Variants in TENM3 observed in about 807,000 individuals in gnomAD.
TENM3 encodes the protein teneurin-3.
In TENM3, 63 loss-of-function variants were observed where a neutral mutation model predicts 255.1. The ratio of observed to expected loss-of-function variants is 0.25; its 90% confidence interval spans 0.20 to 0.30. TENM3 has a LOEUF of 0.30. TENM3 is among the 10% of genes least tolerant of loss of function. TENM3 has a pLI of 1.00. For synonymous variants in TENM3, 1,306 were observed against 1,322.3 expected (o/e 0.99, Z 0.27); for missense variants, 2,929 against 3,461.1 (o/e 0.85, Z 3.86).
chr4:182,720,620 C>CTTT (rs1357278701), intron 13 of TENM3, among the ~76,000 whole-genome samples: 1 of 152,156 alleles, frequency 6.6e-6, no homozygotes, highest in Non-Finnish European at 1.5e-5. Flanking sequence ...GGGGGAAGAA[C>CTTT]ATCCAGCTTG....
At chr4:181,470,909 T>G in the TENM3 span, among the ~76,000 whole-genome samples, 1 of 152,222 alleles carries the variant, frequency 6.6e-6, no homozygotes, top group Non-Finnish European at 1.5e-5. Flanking sequence ...ATAACTAATT[T>G]ATTTGTCCCA....
the TENM3 span, among the ~76,000 whole-genome samples, chr4:181,644,755 T>C: frequency 6.6e-6 from 1 of 152,024 alleles, no homozygotes; most frequent in Non-Finnish European, 1.5e-5. Context: ...TAAAGGTGAG[T>C]TCAGGAACTG....
At chr4:181,565,803 A>G in the TENM3 span, among the ~76,000 whole-genome samples, 1 of 152,258 alleles carries the variant, frequency 6.6e-6, no homozygotes, top group Non-Finnish European at 1.5e-5. Flanking sequence ...ACAAAAATCC[A>G]TGATGTTAGT....
chr4:182,417,029 G>A (rs537936773), intron 3 of TENM3, among the ~76,000 whole-genome samples: 12 of 152,052 alleles, frequency 7.9e-5, no homozygotes, highest in East Asian at 5.8e-4. Flanking sequence ...GCTGGAGTGC[G>A]GTGGTGCGAT....
the TENM3 span, among the ~76,000 whole-genome samples, chr4:181,461,129 C>T: frequency 6.6e-6 from 1 of 151,952 alleles, no homozygotes; most frequent in African/African-American, 2.4e-5. Context: ...AATATTTTCA[C>T]TAGAAATATA....
chr4:181,533,314 A>G, the TENM3 span, among the ~76,000 whole-genome samples: 1 of 152,192 alleles, frequency 6.6e-6, no homozygotes, highest in African/African-American at 2.4e-5. Context: ...ATTGTGTCAC[A>G]GTACCGCCAC....
At chr4:181,657,855 G>T in the TENM3 span, among the ~76,000 whole-genome samples, 1 of 152,132 alleles carries the variant, frequency 6.6e-6, no homozygotes, top group South Asian at 2.1e-4. Context: ...GGAACCGGAG[G>T]CCATTATCCT....
intron 4 of TENM3, among the ~76,000 whole-genome samples, chr4:182,612,762 CACA>C (rs1749139465): frequency 6.6e-6 from 1 of 152,072 alleles, no homozygotes; most frequent in Non-Finnish European, 1.5e-5. Flanking sequence ...CACACACACA[CACA>C]CACAGTGGGA....
chr4:182,651,407 T>G (rs933688597), intron 5 of TENM3, among the ~76,000 whole-genome samples: 2 of 152,144 alleles, frequency 1.3e-5, no homozygotes, highest in African/African-American at 2.4e-5. Flanking sequence ...AATCAGAGTT[T>G]AGGCCGGGCG....
At chr4:181,568,325 A>G in the TENM3 span, among the ~76,000 whole-genome samples, 1 of 151,782 alleles carries the variant, frequency 6.6e-6, no homozygotes, top group Non-Finnish European at 1.5e-5. Context: ...CACCACACCC[A>G]GATAATTGTT....
rs1220430207 is a variant in TENM3, at chr4:182,754,554, A to G, written c.4187A>G (p.His1396Arg). The G allele has an allele frequency of 6.2e-7, 1 of 1,613,858 alleles. No homozygotes were observed. The highest frequency in any genetic ancestry group is 8.5e-7 in the Non-Finnish European group (1 of 1,179,864). The change falls in exon 22 of 28, where the codon CAC (histidine) becomes CGC (arginine). Residue 1396 changes from histidine (H) to arginine (R), a missense_variant. Around this residue, in one of 6 missense-constraint regions of TENM3, gnomAD observed 1,608 missense variants for 1,884.4 expected, o/e 0.85. Transcript: ENST00000511685. The surrounding 1 kb of genome is among the most constrained non-coding windows in gnomAD (Gnocchi z 5.1). ...GGAGTGGAATATCCTGTGGGGAAGC[A>G]CGCGGTGCAGACAACACTGGAATCA... ...VPGVEYPVGK[H>R]AVQTTLESAT...
chr4:182,590,276 G>T (rs986484008), intron 3 of TENM3, among the ~76,000 whole-genome samples: 2 of 151,898 alleles, frequency 1.3e-5, no homozygotes, highest in African/African-American at 4.8e-5. Flanking sequence ...ACACTTCAAG[G>T]GTCCAGGCGT....
At chr4:181,770,471 A>G in the TENM3 span, among the ~76,000 whole-genome samples, 9 of 152,102 alleles carry the variant, frequency 5.9e-5, no homozygotes, top group East Asian at 1.9e-4. Flanking sequence ...TCAGGAGATC[A>G]AGACCATCCT....
chr4:181,719,454 G>C, the TENM3 span, among the ~76,000 whole-genome samples: 1 of 152,126 alleles, frequency 6.6e-6, no homozygotes, highest in Admixed American at 6.5e-5. Flanking sequence ...GGAAGTCCGA[G>C]ATCAAAACAC....
chr4:181,528,811 CCT>C, the TENM3 span, among the ~76,000 whole-genome samples: 2 of 152,142 alleles, frequency 1.3e-5, no homozygotes, highest in African/African-American at 4.8e-5. Flanking sequence ...AGGTTCCTTC[CCT>C]GAGAGGCTGC....
intron 24 of TENM3, among the ~76,000 whole-genome samples, chr4:182,785,688 T>A (rs1297962904): frequency 8.4e-6 from 1 of 118,496 alleles, no homozygotes; most frequent in East Asian, 2.6e-4. Context: ...AGCCTAGGTG[T>A]CCCAGCCAGA....
At chr4:182,148,231 G>A (rs1233027293) in intron 1 of TENM3, among the ~76,000 whole-genome samples, 1 of 152,024 alleles carries the variant, frequency 6.6e-6, no homozygotes, top group Non-Finnish European at 1.5e-5. Context: ...TTCCACAATG[G>A]ATCAGTTTGC....
chr4:181,521,169 T>G, the TENM3 span, among the ~76,000 whole-genome samples: 1 of 152,226 alleles, frequency 6.6e-6, no homozygotes, highest in African/African-American at 2.4e-5. Flanking sequence ...GCTCTTTACA[T>G]CTGAGACCCT....
the TENM3 span, among the ~76,000 whole-genome samples, chr4:181,890,850 G>T: frequency 6.6e-6 from 1 of 152,164 alleles, no homozygotes. Flanking sequence ...ACGGAGAATA[G>T]TATCCCAATG....
Sources: allele counts gnomAD v4.1 joint callset (sites outside exome capture counted in the v4.1 genomes callset), GRCh38; gene constraint gnomAD v4.1.1; regional missense constraint gnomAD v4.1.1; non-coding constraint Gnocchi (gnomAD v3.1); transcripts MANE v1.5; gene names NCBI Gene and HGNC (gene_info 2026-07-23, HGNC 2026-07-21).